FGF13: variants seen among roughly 807,000 people sequenced by gnomAD.
FGF13 encodes fibroblast growth factor 13, also known as fibroblast growth factor homologous factor 2.
In FGF13, 2 loss-of-function variants were observed where a neutral mutation model predicts 19.5. The ratio of observed to expected loss-of-function variants is 0.10; its 90% CI spans 0.04 to 0.32. The LOEUF (loss-of-function observed/expected upper bound fraction) is 0.32. FGF13 is among the 10% of genes least tolerant of loss of function. The pLI is 1.00. For synonymous variants in FGF13, 72 were observed against 76.9 expected, an observed-to-expected ratio of 0.94 and a Z score of 0.33; for missense variants, 113 against 192.7, an observed-to-expected ratio of 0.59 and a Z score of 2.45.
intron 3 of FGF13, among the ~76,000 whole-genome samples, chrX:138,781,677 A>C (rs1330786389): frequency 8.9e-6 from 1 of 111,839 alleles, no homozygotes; most frequent in Non-Finnish European, 1.9e-5. Context: ...TAGCTTACCA[A>C]CCAAAAAGAG....
In FGF13 at chrX:138,779,761, C is replaced by A. The variant is rs773634383; in HGVS notation, c.218-70833G>T. ...CTCTGCAGGATATTATCCAGGAGAA[C>A]TTCCCCAATCTAGCAAGGCAGGCCA... On this transcript the variant is annotated intron_variant, in intron 3 of 6. Transcript: ENST00000436198. Among the ~76,000 whole-genome samples, 991 of 107,223 alleles carry A rather than the reference C, an allele frequency of 9.2e-3. 13 individuals are homozygous for A. Among genetic ancestry groups the A allele is most frequent in the African/African-American group, 0.033 (959 of 29,496 alleles). The allele number at this position is 107,223 out of a possible 115,157, so 93.1% of individuals were successfully genotyped here.
chrX:138,827,358 G>A (rs1482154246), intron 3 of FGF13, among the ~76,000 whole-genome samples: 1 of 111,780 alleles, frequency 8.9e-6, no homozygotes, highest in Non-Finnish European at 1.9e-5. Context: ...CTTTGTAACT[G>A]TGGAAATGAT....
At chrX:139,054,996 G>C (rs2092316909) in intron 1 of FGF13, among the ~76,000 whole-genome samples, 1 of 110,805 alleles carries the variant, frequency 9.0e-6, no homozygotes, top group Admixed American at 9.7e-5. Context: ...GTCGCTGTTG[G>C]TGTATAGAAG....
At chrX:138,993,165 G>T (rs2092025398) in intron 1 of FGF13, among the ~76,000 whole-genome samples, 1 of 112,039 alleles carries the variant, frequency 8.9e-6, no homozygotes, top group Non-Finnish European at 1.9e-5. Flanking sequence ...TCACAGACTA[G>T]AAGAGACTAA....
chrX:139,150,654 T>G (rs1328677434), intron 1 of FGF13, among the ~76,000 whole-genome samples: 1 of 112,131 alleles, frequency 8.9e-6, no homozygotes, highest in Non-Finnish European at 1.9e-5. Flanking sequence ...TACTGAGCCC[T>G]TTCTATGTGC....
chrX:139,167,524 T>C (rs1307239961), intron 1 of FGF13, among the ~76,000 whole-genome samples: 6 of 111,773 alleles, frequency 5.4e-5, no homozygotes, highest in Non-Finnish European at 9.4e-5. Flanking sequence ...CTCAGTGATG[T>C]GGTAATAACA....
At chrX:138,636,198 A>AT (rs747705996) in intron 3 of FGF13, among the ~76,000 whole-genome samples, 2 of 111,616 alleles carry the variant, frequency 1.8e-5, no homozygotes, top group East Asian at 2.8e-4. Context: ...AACCAAATTG[A>AT]TTTTTTTTGG....
Position 138,620,414 on chromosome X carries a change from T to C in FGF13, c.*12436A>G, listed in dbSNP as rs558641614. On this transcript the variant is annotated 3_prime_UTR_variant, in exon 5 of 5. Transcript: ENST00000315930. ...GGGTTGAAGGTGCAGCAAACCACCA[T>C]GGCACATGTTTACCTATGTAACAAA... is the stretch of plus-strand genomic sequence containing the variant. 2 of 110,663 alleles carry C rather than the reference T, an allele frequency of 1.8e-5. No homozygotes were observed. Among genetic ancestry groups the C allele is most frequent in the South Asian group, 3.8e-4 (1 of 2,615 alleles). 9.1% of individuals were successfully genotyped at this position (110,663 alleles called of 1,213,427 possible).
At chrX:139,011,361 C>CAAAAAAAAA (rs3047329) in intron 1 of FGF13, among the ~76,000 whole-genome samples, 2 of 82,952 alleles carry the variant, frequency 2.4e-5, no homozygotes, top group Admixed American at 1.4e-4. Context: ...AACAAACAAA[C>CAAAAAAAAA]AAAAAAAAAA....
chrX:138,963,224 G>T (rs780089032), intron 1 of FGF13, among the ~76,000 whole-genome samples: 12 of 113,054 alleles, frequency 1.1e-4, no homozygotes, highest in Admixed American at 2.8e-4. Context: ...GCCACTCCTG[G>T]CAAGACCCTC....
chrX:139,185,916 T>C (rs933878535), intron 1 of FGF13, among the ~76,000 whole-genome samples: 1 of 110,482 alleles, frequency 9.1e-6, no homozygotes, highest in African/African-American at 3.3e-5. Context: ...AAAATGTGAG[T>C]TCTTAAGGCC....
chrX:138,939,842 C>T (rs1422815534), intron 1 of FGF13, among the ~76,000 whole-genome samples: 1 of 111,795 alleles, frequency 8.9e-6, no homozygotes, highest in Non-Finnish European at 1.9e-5. Context: ...AGGTTGATTC[C>T]ATGTCTTTGC....
intron 1 of FGF13, among the ~76,000 whole-genome samples, chrX:139,125,748 A>G (rs189396585): frequency 3.6e-5 from 4 of 111,818 alleles, no homozygotes; most frequent in African/African-American, 1.3e-4. Flanking sequence ...TGACAAGCAC[A>G]CAGCTACAGC....
intron 3 of FGF13, among the ~76,000 whole-genome samples, chrX:138,688,463 GAAGAA>G (rs2089807214): frequency 9.0e-6 from 1 of 111,608 alleles, no homozygotes; most frequent in Admixed American, 9.6e-5. Flanking sequence ...AAAATAGCTA[GAAGAA>G]AAGATTTGAA....
chrX:139,129,463 A>G (rs2083745142), intron 1 of FGF13, among the ~76,000 whole-genome samples: 1 of 110,656 alleles, frequency 9.0e-6, no homozygotes, highest in Non-Finnish European at 1.9e-5. Context: ...TTGTAGAACA[A>G]ATAAACTACT....
At chrX:138,808,910 C>T (rs747815937) in intron 3 of FGF13, among the ~76,000 whole-genome samples, 16 of 111,670 alleles carry the variant, frequency 1.4e-4, no homozygotes, top group African/African-American at 5.2e-4. Flanking sequence ...AGTTGAATCC[C>T]TGAATAGAAC....
chrX:138,793,631 T>C (rs1211548087), intron 3 of FGF13, among the ~76,000 whole-genome samples: 2 of 111,892 alleles, frequency 1.8e-5, no homozygotes, highest in African/African-American at 6.5e-5. Context: ...AACCTATACG[T>C]GTGAGGGCTT....
At chrX:138,698,142 G>A (rs2089912876) in intron 3 of FGF13, among the ~76,000 whole-genome samples, 1 of 109,889 alleles carries the variant, frequency 9.1e-6, no homozygotes, top group South Asian at 4.0e-4. Flanking sequence ...TGTCCCCCAT[G>A]GCAACAAGAA....
chrX:139,092,154 T>C (rs1418617863), intron 1 of FGF13, among the ~76,000 whole-genome samples: 1 of 111,422 alleles, frequency 9.0e-6, no homozygotes, highest in Non-Finnish European at 1.9e-5. Context: ...CACTTTTGCT[T>C]CTCTTCCATT....
Sources: allele counts gnomAD v4.1 joint callset (sites outside exome capture counted in the v4.1 genomes callset), GRCh38; gene constraint gnomAD v4.1.1; transcripts MANE v1.5; gene names NCBI Gene and HGNC (gene_info 2026-07-23, HGNC 2026-07-21).